The following SHQ1 variants were observed in gnomAD, a reference collection of about 807,000 sequenced individuals.
SHQ1 encodes SHQ1, H/ACA ribonucleoprotein assembly factor.
A neutral mutation model predicts 53.8 loss-of-function variants in SHQ1; 49 were observed. The observed-to-expected ratio is 0.91, with a 90% CI of 0.72 to 1.16. SHQ1 has a LOEUF of 1.16. Ranked by LOEUF, SHQ1 falls within the 50% of genes most tolerant of loss-of-function variation. The probability of loss-of-function intolerance (pLI) is 0.00; values close to 1 mark genes in which losing one functional copy is unlikely to be tolerated. For synonymous variants in SHQ1, 243 were observed against 251.0 expected (o/e 0.97, Z 0.30); for missense variants, 738 against 683.1 (o/e 1.08, Z -0.90).
At chr3:72,737,678 T>C in the SHQ1 span, among the ~76,000 whole-genome samples, 4 of 152,204 alleles carry the variant, frequency 2.6e-5, no homozygotes, top group East Asian at 5.8e-4. Flanking sequence ...GTAAGTGCTA[T>C]GGAAATAGTT....
At chr3:72,847,988 AT>A (rs952817417) in intron 1 of SHQ1, among the ~76,000 whole-genome samples, 30 of 152,234 alleles carry the variant, frequency 2.0e-4, no homozygotes, top group African/African-American at 7.0e-4. Context: ...TTGATATGGG[AT>A]TTAAGAAAGC....
the SHQ1 span, among the ~76,000 whole-genome samples, chr3:72,732,226 G>A: frequency 2.4e-4 from 36 of 151,578 alleles, 1 homozygote; most frequent in Middle Eastern, 3.4e-3. Context: ...GCTTGGAGGT[G>A]CCCTGGGCAG....
chr3:72,744,507 G>A (rs1185727695), downstream of SHQ1, among the ~76,000 whole-genome samples: 1 of 152,196 alleles, frequency 6.6e-6, no homozygotes, highest in African/African-American at 2.4e-5. Context: ...TCCCCGGAGA[G>A]CTCAAAACAG....
chr3:72,832,376 G>A lies in SHQ1; in HGVS notation c.592C>T (p.His198Tyr). The A allele has an allele frequency of 6.2e-7, 1 of 1,607,252 alleles. No individual in the cohort carries two copies. Among genetic ancestry groups the A allele is most frequent in the Non-Finnish European group, 8.5e-7 (1 of 1,175,878 alleles). The change falls in exon 5 of 11, where the codon CAT (histidine) becomes TAT (tyrosine). Residue 198 changes from histidine to tyrosine, a missense_variant. Coordinates refer to ENST00000325599, the MANE Select transcript of SHQ1 (RefSeq NM_018130.3). ...AAELAKFDPD[H>Y]YLADFFEDEA... ...AAAAATCTCATTACTCACAGATAAT[G>A]ATCAGGATCAAACTTGGCCAGCTCA...
rs1014359227 is a variant in SHQ1 at position 72,848,263 on chromosome 3, G to C, written c.78C>G (p.Val26=). 3.7e-6 allele frequency: 6 copies of C among 1,614,190 alleles called. No individual in the cohort carries two copies. Among genetic ancestry groups the C allele is most frequent in the Non-Finnish European group, 5.1e-6 (6 of 1,180,034 alleles). ...CCTCGAAGTAGACGTCGAACTCGGA[G>C]ACCCGGGCGTAGGGCACGCGGATGG... ...TIAIRVPYAR[V]SEFDVYFEGS... is the part of the protein sequence containing the mutation. The change falls in exon 1 of 11, where the codon GTC becomes GTG. Residue 26 remains valine (V), a synonymous_variant. Coordinates refer to ENST00000325599, the MANE Select transcript of SHQ1 (RefSeq NM_018130.3).
chr3:72,760,181 G>A (rs1705577696), intron 10 of SHQ1, among the ~76,000 whole-genome samples: 1 of 152,078 alleles, frequency 6.6e-6, no homozygotes, highest in Admixed American at 6.6e-5. Flanking sequence ...TTGATCTTTT[G>A]GTTGACTTGC....
chr3:72,803,947 T>TA (rs1706864948), intron 9 of SHQ1, among the ~76,000 whole-genome samples: 1 of 152,190 alleles, frequency 6.6e-6, no homozygotes, highest in Non-Finnish European at 1.5e-5. Flanking sequence ...GACAAGGTCT[T>TA]ACCCTGTCAC....
intron 10 of SHQ1, among the ~76,000 whole-genome samples, chr3:72,775,171 C>G (rs1208501253): frequency 6.6e-6 from 1 of 151,554 alleles, no homozygotes; most frequent in African/African-American, 2.4e-5. Flanking sequence ...CAAATATACC[C>G]TCTTACAAAA....
intron 7 of SHQ1, among the ~76,000 whole-genome samples, chr3:72,815,778 T>A (rs902030359): frequency 6.6e-6 from 1 of 152,142 alleles, no homozygotes; most frequent in Non-Finnish European, 1.5e-5. Context: ...GAATCAAAGA[T>A]AATGTTGAAG....
intron 9 of SHQ1, among the ~76,000 whole-genome samples, chr3:72,802,625 T>C (rs1706822910): frequency 6.6e-6 from 1 of 152,212 alleles, no homozygotes; most frequent in Admixed American, 6.5e-5. Context: ...TTTTGCCTTC[T>C]ACTTTCTCAG....
At chr3:72,741,697 T>C in the SHQ1 span, among the ~76,000 whole-genome samples, 1 of 152,050 alleles carries the variant, frequency 6.6e-6, no homozygotes, top group Non-Finnish European at 1.5e-5. Context: ...AAATGACAGA[T>C]GTTATTACAT....
intron 10 of SHQ1, among the ~76,000 whole-genome samples, chr3:72,751,780 G>T (rs1705388541): frequency 6.6e-6 from 1 of 151,932 alleles, no homozygotes; most frequent in Non-Finnish European, 1.5e-5. Flanking sequence ...TAACAAGACT[G>T]CAGGAGAAAA....
In SHQ1 at chr3:72,832,435, G is replaced by A. The variant is rs1341303243; in HGVS notation, c.533C>T (p.Pro178Leu). 5 of 1,612,942 alleles carry A rather than the reference G, an allele frequency of 3.1e-6. No individual in the cohort carries two copies. Among genetic ancestry groups the A allele is most frequent in the Non-Finnish European group, 3.4e-6 (4 of 1,179,982 alleles). The change falls in exon 5 of 11, where the codon CCT (proline) becomes CTT (leucine). Residue 178 changes from proline (P) to leucine (L), a missense_variant. By Grantham distance (98) the Pro-to-Leu change is moderately conservative. Coordinates refer to ENST00000325599, the MANE Select transcript of SHQ1 (RefSeq NM_018130.3). ...VIDIKDPDFT[P>L]AAERRQKRLA... The stretch of plus-strand genomic sequence containing the variant: ...GCGCTTCTGTCTTCGTTCAGCTGCA[G>A]GGGTGAAATCTGGATCCTTAATATC...
intron 10 of SHQ1, among the ~76,000 whole-genome samples, chr3:72,754,313 T>C (rs1360872846): frequency 6.6e-6 from 1 of 151,610 alleles, no homozygotes; most frequent in African/African-American, 2.4e-5. Context: ...CCAGCCCTCT[T>C]CCCGTTCCAC....
At chr3:72,841,813 G>A (rs899055659) in intron 3 of SHQ1, among the ~76,000 whole-genome samples, 3 of 152,126 alleles carry the variant, frequency 2.0e-5, no homozygotes, top group Admixed American at 6.5e-5. Flanking sequence ...CCCTTCGCAG[G>A]CACAGTTCAC....
intron 3 of SHQ1, among the ~76,000 whole-genome samples, chr3:72,841,472 A>C (rs1269142464): frequency 6.6e-6 from 1 of 152,220 alleles, no homozygotes; most frequent in Non-Finnish European, 1.5e-5. Flanking sequence ...TGTTAAGTGA[A>C]AGCAGCCAGA....
the SHQ1 span, among the ~76,000 whole-genome samples, chr3:72,736,519 G>A: frequency 1.8e-4 from 27 of 151,584 alleles, 1 homozygote; most frequent in African/African-American, 5.4e-4. Context: ...GGCTGGGCAC[G>A]GTGGCACATG....
chr3:72,824,641 AAT>A (rs1403087249), intron 5 of SHQ1, 90 bp from the exon 6 acceptor site: 1 of 1,418,290 alleles, frequency 7.1e-7, no homozygotes, highest in Non-Finnish European at 9.5e-7. Context: ...TTGTACTAGA[AAT>A]ACAGATTTTA....
At chr3:72,802,675 A>G (rs1300544231) in intron 9 of SHQ1, among the ~76,000 whole-genome samples, 1 of 151,994 alleles carries the variant, frequency 6.6e-6, no homozygotes, top group African/African-American at 2.4e-5. Flanking sequence ...TAAATCCTAC[A>G]CATTCTTTAG....
Sources: gnomAD v4.1 joint callset for allele counts (sites outside exome capture counted in the v4.1 genomes callset) on GRCh38, gnomAD v4.1.1 for gene constraint, MANE v1.5 for transcripts, NCBI Gene and HGNC (gene_info 2026-07-23, HGNC 2026-07-21) for gene names.